A1CF: variants seen among roughly 807,000 people sequenced by gnomAD.
The protein encoded by A1CF is APOBEC-1 stimulating protein.
A neutral mutation model predicts 68.9 loss-of-function variants in A1CF; 48 were observed. That is an observed-to-expected ratio of 0.70 (90% CI 0.55 to 0.89). The LOEUF (loss-of-function observed/expected upper bound fraction) is 0.89. Among genes scored for constraint, A1CF ranks in the 40% least tolerant of loss-of-function variants. The probability of loss-of-function intolerance (pLI) is 0.00; values close to 1 mark genes in which losing one functional copy is unlikely to be tolerated. For missense variants in A1CF, 653 were observed against 718.9 expected, an observed-to-expected ratio of 0.91 and a Z score of 1.05; for synonymous variants, 272 against 260.4, an observed-to-expected ratio of 1.04 and a Z score of -0.43.
intron 1 of A1CF, among the ~76,000 whole-genome samples, chr10:50,870,063 T>G (rs1346348411): frequency 2.0e-5 from 3 of 151,896 alleles, no homozygotes; most frequent in African/African-American, 4.8e-5. Flanking sequence ...TGAGGGTACA[T>G]GTGATAATTT....
rs187826457 is a variant in A1CF, at chr10:50,878,667, C to T, written c.-94+6914G>A. Among the ~76,000 whole-genome samples the T allele has an allele frequency of 4.9e-4, 74 of 152,214 alleles. 1 individual carries two copies. In the East Asian group the frequency reaches 6.8e-3, roughly 14 times the overall value. On this transcript the variant is annotated intron_variant, in intron 1 of 12. Coordinates refer to ENST00000373997, the MANE Select transcript of A1CF (RefSeq NM_014576.4). ...TTATTATAGAAAGGATTTGATTTTA[C>T]GGCTTGTTTTTAAATGTCAGAGAAA... is the stretch of plus-strand genomic sequence containing the variant.
chr10:50,838,363 T>C (rs576962822), intron 5 of A1CF, among the ~76,000 whole-genome samples: 1 of 152,252 alleles, frequency 6.6e-6, no homozygotes, highest in Admixed American at 6.6e-5. Context: ...GAAAAAATAA[T>C]CTTCCAAGTT....
chr10:50,813,643 T>C (rs1444229594), intron 10 of A1CF, among the ~76,000 whole-genome samples: 4 of 152,180 alleles, frequency 2.6e-5, no homozygotes, highest in Non-Finnish European at 4.4e-5. Flanking sequence ...TGTTAGACTT[T>C]ATGATTTTTT....
intron 5 of A1CF, among the ~76,000 whole-genome samples, chr10:50,837,298 A>G (rs981136796): frequency 5.9e-5 from 9 of 152,140 alleles, no homozygotes; most frequent in Non-Finnish European, 1.0e-4. Context: ...TGTTTCTTCC[A>G]CTGTACAGAG....
chr10:50,826,435 G>C (rs117762766), intron 7 of A1CF, among the ~76,000 whole-genome samples: 2 of 152,054 alleles, frequency 1.3e-5, no homozygotes, highest in East Asian at 3.9e-4. Flanking sequence ...TTGATCTCTC[G>C]GCAGAAACTC....
intron 1 of A1CF, among the ~76,000 whole-genome samples, chr10:50,877,267 C>T (rs573918569): frequency 4.6e-5 from 7 of 152,260 alleles, no homozygotes; most frequent in East Asian, 3.9e-4. Flanking sequence ...CAATTATTTG[C>T]GTGGTATATT....
chr10:50,822,123 A>C (rs1838705962), intron 7 of A1CF, among the ~76,000 whole-genome samples: 1 of 152,220 alleles, frequency 6.6e-6, no homozygotes, highest in Non-Finnish European at 1.5e-5. Flanking sequence ...AAACCCAAAC[A>C]AACCAACTAT....
intron 1 of A1CF, among the ~76,000 whole-genome samples, chr10:50,884,062 A>G (rs7901497): frequency 0.96 from 146,297 of 152,300 alleles, 70,527 homozygotes; most frequent in East Asian, 1. Context: ...GTGGTAACAA[A>G]ACCTGCTATA....
intron 1 of A1CF, among the ~76,000 whole-genome samples, chr10:50,870,494 A>T (rs1046593633): frequency 6.6e-6 from 1 of 151,910 alleles, no homozygotes; most frequent in Non-Finnish European, 1.5e-5. Context: ...ATAGACTTTT[A>T]AAAAAGAGAA....
At chr10:50,816,320 G>A in intron 8 of A1CF, 41 bp from the exon 9 acceptor site, 1 of 1,593,186 alleles carries the variant, frequency 6.3e-7, no homozygotes, top group Non-Finnish European at 8.6e-7. Flanking sequence ...GAGATGATAT[G>A]AAGATAACCA....
chr10:50,862,192 C>G (rs1025674814), intron 2 of A1CF, among the ~76,000 whole-genome samples: 4 of 151,782 alleles, frequency 2.6e-5, no homozygotes, highest in African/African-American at 9.7e-5. Flanking sequence ...ATGGTGAAAC[C>G]CTGTCTCTAT....
At position 50,820,080 on chromosome 10, in the gene A1CF, A is replaced by G. The variant is rs569586398; in HGVS notation, c.867+472T>C. ...CTGTAGACAACTCAGTAGTGAGGAT[A>G]TAGAAGCTTCCCCAGCCCCTACTCT... On this transcript the variant is annotated intron_variant, in intron 8 of 12. Coordinates refer to ENST00000373997, the MANE Select transcript of A1CF (RefSeq NM_014576.4). 2.0e-5 allele frequency among the ~76,000 whole-genome samples: 3 copies of G among 152,324 alleles called. No homozygotes were observed. In the East Asian group the frequency reaches 5.8e-4, roughly 29 times the overall value.
chr10:50,876,458 A>T (rs995783523), intron 1 of A1CF, among the ~76,000 whole-genome samples: 2 of 152,192 alleles, frequency 1.3e-5, no homozygotes, highest in Non-Finnish European at 2.9e-5. Flanking sequence ...CCCCAAAAAG[A>T]TCTTGGAAAA....
chr10:50,835,145 T>C (rs1400913431), intron 6 of A1CF, among the ~76,000 whole-genome samples: 1 of 152,136 alleles, frequency 6.6e-6, no homozygotes, highest in African/African-American at 2.4e-5. Flanking sequence ...TGTCTCATTT[T>C]TTTTCCCTTT....
intron 1 of A1CF, among the ~76,000 whole-genome samples, chr10:50,880,319 T>C (rs1421748855): frequency 2.6e-5 from 4 of 152,196 alleles, no homozygotes; most frequent in Non-Finnish European, 4.4e-5. Flanking sequence ...GTAGCTGCTT[T>C]ATTGGAAAAA....
Position 50,816,190 on chromosome 10 carries a change from C to G in A1CF, c.957G>C (p.Arg319Ser). ...TATACTCTCCTTGCAGCATGGTGCC[C>G]CTTCCACCTGTGCCTCGGGTATACC... Reference protein sequence around the residue: ...YVRYTRGTGGRGTMLQGEYTY... With the variant: ...YVRYTRGTGGSGTMLQGEYTY... The change falls in exon 9 of 13, where the codon AGG (arginine) becomes AGC (serine). Residue 319 changes from arginine (R) to serine (S), a missense_variant. Transcript: ENST00000373997. 1 of 1,613,706 alleles carries G rather than the reference C, an allele frequency of 6.2e-7. No homozygotes were observed. The highest frequency in any genetic ancestry group is 8.5e-7 in the Non-Finnish European group (1 of 1,179,822).
intron 3 of A1CF, among the ~76,000 whole-genome samples, chr10:50,844,699 T>C (rs931763278): frequency 2.0e-4 from 31 of 152,098 alleles, no homozygotes; most frequent in African/African-American, 7.5e-4. Flanking sequence ...ATGATACAAG[T>C]TGTGGAAAAA....
At chr10:50,838,467 G>C (rs1431253410) in intron 5 of A1CF, among the ~76,000 whole-genome samples, 1 of 151,960 alleles carries the variant, frequency 6.6e-6, no homozygotes, top group Non-Finnish European at 1.5e-5. Flanking sequence ...GATAGTTAGG[G>C]GGCTGGTCAT....
At position 50,811,121 on chromosome 10, in the gene A1CF, T is replaced by G; in HGVS notation, c.1379A>C (p.His460Pro). ...TCTTTGGTCTTGTCCAATAGCAGAG[T>G]GCAGCTGGTACACTGGCTGTCCCCA... ...NNWGQPVYQL[H>P]SAIGQDQRQL... The change falls in exon 11 of 13, where the codon CAC (histidine) becomes CCC (proline). Residue 460 changes from histidine (H) to proline (P), a missense_variant. His to Pro is a moderately conservative substitution (Grantham distance 77). Coordinates refer to ENST00000373997, the MANE Select transcript of A1CF (RefSeq NM_014576.4). 6.2e-7 allele frequency: 1 copy of G among 1,613,460 alleles called. No homozygotes were observed. Among genetic ancestry groups the G allele is most frequent in the Non-Finnish European group, 8.5e-7 (1 of 1,179,638 alleles).
Sources: gnomAD v4.1 joint callset for allele counts (sites outside exome capture counted in the v4.1 genomes callset) on GRCh38, gnomAD v4.1.1 for gene constraint, MANE v1.5 for transcripts, NCBI Gene and HGNC (gene_info 2026-07-23, HGNC 2026-07-21) for gene names.